ARFIP1: variants seen among roughly 807,000 people sequenced by gnomAD.
ARFIP1 encodes the protein arfaptin-1.
ARFIP1 carries 24 observed loss-of-function variants against 42.5 expected under a neutral mutation model. That is an observed-to-expected ratio of 0.57 (90% CI 0.41 to 0.80). The LOEUF (loss-of-function observed/expected upper bound fraction) is 0.80. ARFIP1 is among the 30% of genes least tolerant of loss of function. The pLI, the probability that ARFIP1 is intolerant of heterozygous loss-of-function variation, is 0.00. For synonymous variants in ARFIP1, 141 were observed against 153.7 expected (o/e 0.92, Z 0.61); for missense variants, 354 against 434.0 (o/e 0.82, Z 1.64).
At chr4:152,786,362 GTTCT>G (rs1300433649) in intron 1 of ARFIP1, among the ~76,000 whole-genome samples, 1 of 152,108 alleles carries the variant, frequency 6.6e-6, no homozygotes, top group Non-Finnish European at 1.5e-5. Flanking sequence ...CACAACGTTG[GTTCT>G]TTCTTTGTTC....
At position 152,820,247 on chromosome 4, in the gene ARFIP1, C is replaced by T. The variant is rs753163885; in HGVS notation, c.-9-9378C>T. Among the ~76,000 whole-genome samples the T allele has an allele frequency of 4.6e-5, 7 of 152,118 alleles. No individual in the cohort carries two copies. The East Asian group carries it at 7.7e-4, about 17-fold the overall frequency. ...TGCATTTACCCACCTGTCTTTGCTG[C>T]GGCCAGTTTTTACCCATGGGCACCT... On this transcript the variant is annotated intron_variant, in intron 1 of 8. Coordinates refer to ENST00000353617, the MANE Select transcript of ARFIP1 (RefSeq NM_001025595.3).
At chr4:152,784,024 A>G (rs367885627) in intron 1 of ARFIP1, among the ~76,000 whole-genome samples, 1 of 152,238 alleles carries the variant, frequency 6.6e-6, no homozygotes, top group African/African-American at 2.4e-5. Flanking sequence ...GTATAAATAA[A>G]TTTTAGAATA....
intron 2 of ARFIP1, among the ~76,000 whole-genome samples, chr4:152,844,068 G>A (rs1470336215): frequency 6.6e-6 from 1 of 152,186 alleles, no homozygotes; most frequent in Non-Finnish European, 1.5e-5. Context: ...CCTGCTAGGG[G>A]ACCCAGCGAG....
chr4:152,814,490 A>G (rs745555194), intron 1 of ARFIP1, among the ~76,000 whole-genome samples: 1 of 152,172 alleles, frequency 6.6e-6, no homozygotes, highest in African/African-American at 2.4e-5. Flanking sequence ...TGGGAGGATC[A>G]TTTGAATCTA....
chr4:152,870,737 A>G lies in ARFIP1; in HGVS notation c.203-16A>G, dbSNP rs367984744. On this transcript the variant is annotated splice_polypyrimidine_tract_variant and intron_variant, in intron 3 of 8. Transcript: ENST00000353617. ...GAGGAAAAGGATTTTCACAGTTAAA[A>G]TGTCTACCTTTTCAGGTTCCCCAGC... 3.7e-5 allele frequency: 59 copies of G among 1,593,588 alleles called. No individual in the cohort carries two copies. The highest frequency in any genetic ancestry group is 4.9e-5 in the Non-Finnish European group (57 of 1,161,402).
intron 8 of ARFIP1, among the ~76,000 whole-genome samples, chr4:152,892,911 TCTC>T (rs1291055187): frequency 4.6e-5 from 7 of 152,256 alleles, no homozygotes; most frequent in African/African-American, 1.7e-4. Context: ...TTCTGATATT[TCTC>T]CTTTCATCAG....
At chr4:152,901,577 G>C (rs1737838747) in intron 8 of ARFIP1, among the ~76,000 whole-genome samples, 1 of 152,132 alleles carries the variant, frequency 6.6e-6, no homozygotes, top group Non-Finnish European at 1.5e-5. Flanking sequence ...TTTCTAAATT[G>C]CTGTAATTGT....
intron 4 of ARFIP1, among the ~76,000 whole-genome samples, chr4:152,871,306 T>G (rs1201414383): frequency 6.6e-6 from 1 of 152,222 alleles, no homozygotes; most frequent in East Asian, 1.9e-4. Flanking sequence ...GTTTGCAGAT[T>G]GCAACACAAT....
chr4:152,872,653 C>A, intron 5 of ARFIP1, 89 bp downstream of exon 5: 4 of 636,134 alleles, frequency 6.3e-6, no homozygotes, highest in South Asian at 2.4e-5. Context: ...CAATTAAATG[C>A]ACATAGAGAA....
At chr4:152,826,512 A>G (rs957683830) in intron 1 of ARFIP1, among the ~76,000 whole-genome samples, 3 of 152,270 alleles carry the variant, frequency 2.0e-5, no homozygotes, top group East Asian at 3.9e-4. Flanking sequence ...AAAACTACCT[A>G]TAGGGTACAA....
At chr4:152,803,104 G>A (rs1285491695) in intron 1 of ARFIP1, among the ~76,000 whole-genome samples, 1 of 152,160 alleles carries the variant, frequency 6.6e-6, no homozygotes, top group Non-Finnish European at 1.5e-5. Flanking sequence ...TGGCCAGTAT[G>A]AAGAAAGGAG....
intron 1 of ARFIP1, among the ~76,000 whole-genome samples, chr4:152,824,210 G>T (rs1446349707): frequency 6.6e-6 from 1 of 151,884 alleles, no homozygotes; most frequent in East Asian, 1.9e-4. Flanking sequence ...CTACTCGGGA[G>T]GCTGAGGCAG....
intron 8 of ARFIP1, among the ~76,000 whole-genome samples, chr4:152,891,798 A>G (rs1736873042): frequency 6.6e-6 from 1 of 151,874 alleles, no homozygotes; most frequent in Non-Finnish European, 1.5e-5. Flanking sequence ...AACCTCCACC[A>G]CCTGGGTTCA....
chr4:152,877,515 A>G (rs2149888955), intron 5 of ARFIP1, among the ~76,000 whole-genome samples: 1 of 152,320 alleles, frequency 6.6e-6, no homozygotes, highest in East Asian at 1.9e-4. Context: ...CACGCATCTC[A>G]GATGAGACTT....
At chr4:152,852,401 C>T (rs555852965) in intron 2 of ARFIP1, among the ~76,000 whole-genome samples, 5 of 152,152 alleles carry the variant, frequency 3.3e-5, no homozygotes, top group Admixed American at 6.6e-5. Context: ...GAGGCTGAGG[C>T]GGGCGGATTG....
At chr4:152,843,765 G>C (rs943506518) in intron 2 of ARFIP1, among the ~76,000 whole-genome samples, 15 of 152,120 alleles carry the variant, frequency 9.9e-5, no homozygotes, top group Non-Finnish European at 1.5e-4. Flanking sequence ...CACTTCCACT[G>C]TGCCCCCACC....
chr4:152,818,040 G>A (rs1052871830), intron 1 of ARFIP1, among the ~76,000 whole-genome samples: 2 of 152,218 alleles, frequency 1.3e-5, no homozygotes, highest in African/African-American at 4.8e-5. Context: ...ATGGAAAACA[G>A]TATGGTGGTT....
chr4:152,795,796 G>T (rs549504105), intron 1 of ARFIP1, among the ~76,000 whole-genome samples: 2 of 104,738 alleles, frequency 1.9e-5, no homozygotes, highest in African/African-American at 3.7e-5. Flanking sequence ...GAATTTGAGC[G>T]ATTGTTACTT....
At position 152,911,360 on chromosome 4, in the gene ARFIP1, A is replaced by T. The variant is rs990853283; in HGVS notation, c.*1141A>T. 1.3e-5 allele frequency: 2 copies of T among 152,544 alleles called. No individual in the cohort carries two copies. The highest frequency in any genetic ancestry group is 4.1e-4 in the South Asian group (2 of 4,834). 9.4% of individuals were successfully genotyped at this position (152,544 alleles called of 1,614,324 possible). A position where few individuals can be genotyped will look rare whatever the true frequency, so the allele number is the denominator to read the frequency against. On this transcript the variant is annotated 3_prime_UTR_variant, in exon 9 of 9. Coordinates refer to ENST00000353617, the MANE Select transcript of ARFIP1 (RefSeq NM_001025595.3). ...TTTTGAGGATTGGGAAAACAGAAAG[A>T]TTCTTTGATTTGGGTAATGAAGAGG...
Sources: gnomAD v4.1 joint callset for allele counts (sites outside exome capture counted in the v4.1 genomes callset) on GRCh38, gnomAD v4.1.1 for gene constraint, MANE v1.5 for transcripts, NCBI Gene and HGNC (gene_info 2026-07-23, HGNC 2026-07-21) for gene names.